Variants in DNAAF9 observed in about 807,000 individuals in gnomAD.
The protein encoded by DNAAF9 is shulin.
Under a neutral mutation model 167.0 loss-of-function variants are expected in DNAAF9, and 90 were observed. The observed-to-expected ratio is 0.54, with a 90% CI of 0.45 to 0.64. The LOEUF (loss-of-function observed/expected upper bound fraction) is 0.64, where lower values mean the gene tolerates loss of function less well. Among genes scored for constraint, DNAAF9 ranks in the 30% least tolerant of loss-of-function variants. The probability of loss-of-function intolerance (pLI) is 0.00; values close to 1 mark genes in which losing one functional copy is unlikely to be tolerated. For missense variants in DNAAF9, 1,315 were observed against 1,442.2 expected, an observed-to-expected ratio of 0.91 and a Z score of 1.43; for synonymous variants, 491 against 508.8, an observed-to-expected ratio of 0.96 and a Z score of 0.47.
At position 3,315,321 on chromosome 20, in the gene DNAAF9, A is replaced by G. The variant is rs1600766773; in HGVS notation, c.1591-201T>C. 6.6e-6 allele frequency among the ~76,000 whole-genome samples: 1 copy of G among 152,312 alleles called. No homozygotes were observed. The highest frequency in any genetic ancestry group is 1.9e-4 in the East Asian group (1 of 5,190). On this transcript the variant is annotated intron_variant, in intron 19 of 36. Coordinates refer to ENST00000252032, the MANE Select transcript of DNAAF9 (RefSeq NM_001009984.3). The surrounding 1 kb of genome is among the most constrained non-coding windows in gnomAD (Gnocchi z 4.1). ...TGGCATCCTTGATTTGTGCTGAGAA[A>G]AAGAACATTAAGATTCTCTCTGAGT...
At chr20:3,353,878 CA>C (rs986202961) in intron 7 of DNAAF9, among the ~76,000 whole-genome samples, 3 of 151,874 alleles carry the variant, frequency 2.0e-5, no homozygotes, top group African/African-American at 7.3e-5. Context: ...CTTTGTTACC[CA>C]AAAAACCACC....
chr20:3,355,990 A>C (rs1344414666), intron 7 of DNAAF9, among the ~76,000 whole-genome samples: 2 of 151,930 alleles, frequency 1.3e-5, no homozygotes, highest in African/African-American at 2.4e-5. Flanking sequence ...GTTTTAGTTC[A>C]TCACTACATT....
intron 10 of DNAAF9, among the ~76,000 whole-genome samples, chr20:3,335,382 T>G (rs2069917512): frequency 1.3e-5 from 2 of 152,230 alleles, no homozygotes; most frequent in South Asian, 4.1e-4. Context: ...TTGACAACTC[T>G]TCTCTTTCAG....
chr20:3,352,010 T>C (rs984325777), intron 7 of DNAAF9, among the ~76,000 whole-genome samples: 4 of 152,186 alleles, frequency 2.6e-5, no homozygotes, highest in Admixed American at 2.6e-4. Flanking sequence ...CTGTCCGCCT[T>C]GGCCTCCCAA....
At position 3,305,905 on chromosome 20, in the gene DNAAF9, C is replaced by A. The variant is rs76750808; in HGVS notation, c.1679-1362G>T. 4.8e-3 allele frequency among the ~76,000 whole-genome samples: 733 copies of A among 152,312 alleles called. 2 individuals carry two copies. Among genetic ancestry groups the A allele is most frequent in the Middle Eastern group, 6.8e-3 (2 of 294 alleles). ...CAAGTAGCCTGGCTTTCTGTGCACA[C>A]TGCCTTTTCCTGAGGCCCTCTGAAA... On this transcript the variant is annotated intron_variant, in intron 20 of 36. Coordinates refer to ENST00000252032, the MANE Select transcript of DNAAF9 (RefSeq NM_001009984.3).
At chr20:3,328,119 T>G (rs924474683) in intron 12 of DNAAF9, among the ~76,000 whole-genome samples, 1 of 151,758 alleles carries the variant, frequency 6.6e-6, no homozygotes, top group African/African-American at 2.4e-5. Context: ...GATCCTTACA[T>G]AGGAGATCAA....
chr20:3,253,974 C>T (rs1453905006), intron 35 of DNAAF9, among the ~76,000 whole-genome samples, 155 bp from the exon 36 acceptor site: 2 of 152,192 alleles, frequency 1.3e-5, no homozygotes, highest in African/African-American at 4.8e-5. Flanking sequence ...TCAAGCCCTG[C>T]CTGAGGTGGT....
At chr20:3,368,958 C>G (rs1410567448) in intron 6 of DNAAF9, among the ~76,000 whole-genome samples, 1 of 52 alleles carries the variant, frequency 0.019, no homozygotes, top group African/African-American at 0.12. Context: ...AAGGTGAACC[C>G]CATTTCTCTA....
intron 20 of DNAAF9, among the ~76,000 whole-genome samples, chr20:3,313,595 A>C (rs1207500255): frequency 6.6e-6 from 1 of 152,238 alleles, no homozygotes; most frequent in Non-Finnish European, 1.5e-5. Context: ...AGGAAGCCAA[A>C]GAGGAACTTG....
chr20:3,359,721 T>C, intron 6 of DNAAF9, 128 bp from the exon 7 acceptor site: 1 of 633,382 alleles, frequency 1.6e-6, no homozygotes, highest in South Asian at 2.3e-5. Context: ...AAATCAAAAA[T>C]TTATCAATTA....
chr20:3,395,605 T>C (rs1262690454), intron 1 of DNAAF9, among the ~76,000 whole-genome samples: 1 of 152,052 alleles, frequency 6.6e-6, no homozygotes, highest in Non-Finnish European at 1.5e-5. Context: ...TCAGAGGAAG[T>C]GTAAAATCAG....
At chr20:3,374,180 A>G (rs757301057) in intron 5 of DNAAF9, 26 bp from the exon 6 acceptor site, 3 of 1,433,212 alleles carry the variant, frequency 2.1e-6, no homozygotes, top group Non-Finnish European at 3.0e-6. Flanking sequence ...ACAACAACAC[A>G]TATCAGATAC....
intron 7 of DNAAF9, among the ~76,000 whole-genome samples, chr20:3,352,037 G>A (rs1386451267): frequency 6.6e-6 from 1 of 151,996 alleles, no homozygotes; most frequent in Non-Finnish European, 1.5e-5. Context: ...GGGATTACAG[G>A]TGTGAGCCAC....
At chr20:3,345,859 C>T (rs575363584) in intron 8 of DNAAF9, among the ~76,000 whole-genome samples, 4 of 151,978 alleles carry the variant, frequency 2.6e-5, no homozygotes, top group Admixed American at 6.6e-5. Flanking sequence ...CCAGGGCACA[C>T]GGGAGGCGGA....
intron 7 of DNAAF9, among the ~76,000 whole-genome samples, chr20:3,349,629 G>GA (rs2070274996): frequency 6.6e-6 from 1 of 152,070 alleles, no homozygotes; most frequent in Non-Finnish European, 1.5e-5. Flanking sequence ...CTTCTTAGCT[G>GA]ACTCTCCTCT....
At chr20:3,266,274 C>T (rs2068488545) in intron 30 of DNAAF9, among the ~76,000 whole-genome samples, 1 of 152,160 alleles carries the variant, frequency 6.6e-6, no homozygotes, top group Non-Finnish European at 1.5e-5. Flanking sequence ...GTATACCAGA[C>T]CTTTCCATTG....
chr20:3,382,816 A>G (rs940031575), intron 1 of DNAAF9, among the ~76,000 whole-genome samples: 26 of 152,324 alleles, frequency 1.7e-4, no homozygotes, highest in Non-Finnish European at 3.7e-4. Context: ...ATTAAGACTC[A>G]GCAGCTGACT....
chr20:3,259,168 A>G (rs1344687063), intron 33 of DNAAF9, among the ~76,000 whole-genome samples: 1 of 152,170 alleles, frequency 6.6e-6, no homozygotes, highest in African/African-American at 2.4e-5. Context: ...GGAGGCCATG[A>G]CTGGCTCAAG....
intron 30 of DNAAF9, among the ~76,000 whole-genome samples, chr20:3,265,001 G>A (rs187717711): frequency 6.6e-6 from 1 of 152,132 alleles, no homozygotes; most frequent in African/African-American, 2.4e-5. Context: ...AAATACTTCA[G>A]TATGCATCTC....
Sources: gnomAD v4.1 joint callset for allele counts (sites outside exome capture counted in the v4.1 genomes callset) on GRCh38, gnomAD v4.1.1 for gene constraint, Gnocchi (gnomAD v3.1) non-coding constraint, MANE v1.5 for transcripts, NCBI Gene and HGNC (gene_info 2026-07-23, HGNC 2026-07-21) for gene names.